GRIA1: variants seen among roughly 807,000 people sequenced by gnomAD.
GRIA1 encodes glutamate ionotropic receptor AMPA type subunit 1, also known as glutamate receptor 1.
Under a neutral mutation model 99.2 loss-of-function variants are expected in GRIA1, and 31 were observed. The observed-to-expected ratio is 0.31, with a 90% CI of 0.23 to 0.42. The LOEUF is 0.42. Among genes scored for constraint, GRIA1 ranks in the 10% least tolerant of loss-of-function variants. The probability of loss-of-function intolerance (pLI) is 1.00; values close to 1 mark genes in which losing one functional copy is unlikely to be tolerated. For missense variants in GRIA1, 782 were observed against 1,157.5 expected (o/e 0.68, Z 4.71); for synonymous variants, 438 against 432.4 (o/e 1.01, Z -0.16).
chr5:153,707,981 C>T (rs1440819093), intron 11 of GRIA1, among the ~76,000 whole-genome samples: 1 of 152,136 alleles, frequency 6.6e-6, no homozygotes, highest in Non-Finnish European at 1.5e-5. Flanking sequence ...CCTAACTAGT[C>T]AGCATAATGT....
intron 2 of GRIA1, among the ~76,000 whole-genome samples, chr5:153,555,329 A>G (rs1242051056): frequency 6.6e-6 from 1 of 151,764 alleles, no homozygotes; most frequent in East Asian, 1.9e-4. Flanking sequence ...CACTACATAC[A>G]GGGAGCAAAT....
At chr5:153,575,303 CT>C (rs1434947712) in intron 2 of GRIA1, among the ~76,000 whole-genome samples, 24 of 152,152 alleles carry the variant, frequency 1.6e-4, no homozygotes, top group African/African-American at 5.8e-4. Flanking sequence ...CATTGCCTAC[CT>C]GTTTAACCCT....
At chr5:153,796,013 C>CCTT (rs1765624153) in intron 14 of GRIA1, among the ~76,000 whole-genome samples, 1 of 130,250 alleles carries the variant, frequency 7.7e-6, no homozygotes. Flanking sequence ...TTTTTTTTAA[C>CCTT]TTTTTTTTTT....
chr5:153,554,042 CT>C (rs1195532177), intron 2 of GRIA1, among the ~76,000 whole-genome samples: 1 of 152,142 alleles, frequency 6.6e-6, no homozygotes, highest in Non-Finnish European at 1.5e-5. Flanking sequence ...AATAGAAGAG[CT>C]GATACATAGA....
At chr5:153,665,055 A>G (rs893646766) in intron 5 of GRIA1, among the ~76,000 whole-genome samples, 4 of 152,232 alleles carry the variant, frequency 2.6e-5, no homozygotes, top group African/African-American at 9.6e-5. Flanking sequence ...GGCCTTGGCC[A>G]GGTGTCATTC....
intron 2 of GRIA1, among the ~76,000 whole-genome samples, chr5:153,551,314 T>C (rs1169775263): frequency 6.6e-6 from 1 of 151,824 alleles, no homozygotes; most frequent in Non-Finnish European, 1.5e-5. Flanking sequence ...TAGAATGATA[T>C]TATTCATTGG....
intron 2 of GRIA1, among the ~76,000 whole-genome samples, chr5:153,636,079 A>G (rs1280751213): frequency 1.3e-5 from 2 of 152,188 alleles, no homozygotes; most frequent in Non-Finnish European, 2.9e-5. Context: ...TGGTCCTGTC[A>G]GGGTTCCTTT....
chr5:153,597,253 G>A (rs777131787), intron 2 of GRIA1, among the ~76,000 whole-genome samples: 1 of 152,164 alleles, frequency 6.6e-6, no homozygotes, highest in Non-Finnish European at 1.5e-5. Context: ...CTCTTAGTAC[G>A]TTCAGGGACT....
At chr5:153,627,816 T>C (rs562881181) in intron 2 of GRIA1, among the ~76,000 whole-genome samples, 11 of 152,180 alleles carry the variant, frequency 7.2e-5, no homozygotes, top group African/African-American at 2.2e-4. Context: ...GCCAGAAAAG[T>C]TGTATCATGG....
At chr5:153,668,688 G>C (rs11746923) in intron 5 of GRIA1, among the ~76,000 whole-genome samples, 10,922 of 152,212 alleles carry the variant, frequency 0.072, 510 homozygotes, top group Non-Finnish European at 0.11. Flanking sequence ...GTGGAATAGG[G>C]GGACACTAAT....
At chr5:153,567,177 T>G (rs373510729) in intron 2 of GRIA1, among the ~76,000 whole-genome samples, 1 of 152,214 alleles carries the variant, frequency 6.6e-6, no homozygotes, top group Non-Finnish European at 1.5e-5. Context: ...ATGCCTTGAG[T>G]GTCCATTATG....
At chr5:153,650,547 C>A in intron 4 of GRIA1, 33 bp downstream of exon 4, 1 of 1,596,154 alleles carries the variant, frequency 6.3e-7, no homozygotes, top group Non-Finnish European at 8.6e-7. Context: ...AGGGTGGGTG[C>A]GGGAGGTGAT....
At chr5:153,677,930 G>T (rs1364365446) in intron 7 of GRIA1, among the ~76,000 whole-genome samples, 1 of 152,180 alleles carries the variant, frequency 6.6e-6, no homozygotes, top group Non-Finnish European at 1.5e-5. Context: ...TTCTCAAACT[G>T]CCAAGGAATA....
chr5:153,542,024 G>T (rs1259505290), intron 2 of GRIA1, among the ~76,000 whole-genome samples: 4 of 150,776 alleles, frequency 2.7e-5, no homozygotes, highest in African/African-American at 9.8e-5. Context: ...TTGAACTTTG[G>T]GCATCACCTT....
chr5:153,737,018 C>A (rs184392138), intron 11 of GRIA1, among the ~76,000 whole-genome samples: 2 of 152,192 alleles, frequency 1.3e-5, no homozygotes, highest in East Asian at 1.9e-4. Context: ...AACCCTGGTT[C>A]TATCAGTAAA....
intron 1 of GRIA1, among the ~76,000 whole-genome samples, chr5:153,491,555 A>AG (rs1449875457): frequency 6.6e-6 from 1 of 151,990 alleles, no homozygotes; most frequent in African/African-American, 2.4e-5. Flanking sequence ...GGACTCCTCC[A>AG]GCTGCCTTCT....
chr5:153,495,544 C>A (rs1754325776), intron 2 of GRIA1, among the ~76,000 whole-genome samples: 1 of 152,186 alleles, frequency 6.6e-6, no homozygotes, highest in African/African-American at 2.4e-5. Flanking sequence ...TCTTGTAAGG[C>A]AGAGGTCTAA....
chr5:153,492,875 G>T (rs1754058804), intron 1 of GRIA1, among the ~76,000 whole-genome samples: 1 of 152,096 alleles, frequency 6.6e-6, no homozygotes, highest in Non-Finnish European at 1.5e-5. Flanking sequence ...CTATTTGTGT[G>T]ATCTGTAACA....
intron 2 of GRIA1, among the ~76,000 whole-genome samples, chr5:153,611,422 G>A (rs1019686934): frequency 1.1e-4 from 16 of 152,072 alleles, no homozygotes; most frequent in African/African-American, 3.6e-4. Flanking sequence ...AATCTCCTTT[G>A]GTTAGAACTT....
Sources: allele counts gnomAD v4.1 joint callset (sites outside exome capture counted in the v4.1 genomes callset), GRCh38; gene constraint gnomAD v4.1.1; transcripts MANE v1.5; gene names NCBI Gene and HGNC (gene_info 2026-07-23, HGNC 2026-07-21).